Variants in PCDHGA1 observed in about 807,000 individuals in gnomAD.
PCDHGA1 encodes the protein protocadherin gamma-A1.
In PCDHGA1, 32 loss-of-function variants were observed where a neutral mutation model predicts 58.0. That is an observed-to-expected ratio of 0.55 (90% confidence interval 0.42 to 0.74). The LOEUF (loss-of-function observed/expected upper bound fraction) is 0.74, where lower values mean the gene tolerates loss of function less well. Ranked by LOEUF, PCDHGA1 falls within the 30% of genes least tolerant of loss-of-function variation. The pLI is 0.00. For synonymous variants in PCDHGA1, 498 were observed against 501.1 expected, an observed-to-expected ratio of 0.99 and a Z score of 0.08; for missense variants, 1,205 against 1,182.3, an observed-to-expected ratio of 1.02 and a Z score of -0.28.
chr5:141,383,826 T>G, intron 1 of PCDHGA1: 1 of 1,613,966 alleles, frequency 6.2e-7, no homozygotes, highest in Non-Finnish European at 8.5e-7. Flanking sequence ...GATTAGATTA[T>G]GAAGAAACTG....
intron 1 of PCDHGA1, chr5:141,377,997 G>C (rs1774530725): frequency 6.6e-6 from 1 of 152,122 alleles, no homozygotes; most frequent in African/African-American, 2.4e-5. Flanking sequence ...CCTAAAGCTT[G>C]GCTCAAATAA....
chr5:141,385,107 C>T, intron 1 of PCDHGA1: 1 of 1,614,178 alleles, frequency 6.2e-7, no homozygotes, highest in Non-Finnish European at 8.5e-7. Context: ...CGAACGTGCC[C>T]ACCTCGCACT....
intron 1 of PCDHGA1, chr5:141,377,057 C>A (rs72790015): frequency 0.063 from 9,654 of 152,822 alleles, 351 homozygotes; most frequent in African/African-American, 0.097. Context: ...TTTTCTTAGC[C>A]CTTTGCAGAG....
chr5:141,369,151 T>C (rs1013865524), intron 1 of PCDHGA1, among the ~76,000 whole-genome samples: 6 of 152,206 alleles, frequency 3.9e-5, no homozygotes, highest in African/African-American at 1.4e-4. Context: ...GGCATGTTAT[T>C]GACCAGGGAA....
intron 1 of PCDHGA1, chr5:141,350,349 A>C (rs761366858): frequency 6.4e-7 from 1 of 1,559,220 alleles, no homozygotes; most frequent in Non-Finnish European, 8.7e-7. Context: ...ATCTCCCAGC[A>C]GATCCGATAC....
In PCDHGA1 at chr5:141,485,089, G is replaced by C; in HGVS notation, c.2422-9718G>C. 9.7e-7 allele frequency: 1 copy of C among 1,027,236 alleles called. No individual in the cohort carries two copies. The highest frequency in any genetic ancestry group is 1.5e-6 in the Non-Finnish European group (1 of 674,564). The allele number at this position is 1,027,236 out of a possible 1,614,324, so 63.6% of individuals were successfully genotyped here. On this transcript the variant is annotated intron_variant, in intron 1 of 3. Coordinates refer to ENST00000517417, the MANE Select transcript of PCDHGA1 (RefSeq NM_018912.3). This position sits in a 1 kb window ranked among gnomAD's most constrained non-coding sequence, Gnocchi z 5.7. ...GAGCTGGCGCGGGGAAAGGGAGATA[G>C]GTGTCTCCAGCTGCTGTGGCTGTTT... is the stretch of plus-strand genomic sequence containing the variant.
intron 3 of PCDHGA1, among the ~76,000 whole-genome samples, chr5:141,510,415 C>G (rs2099881071): frequency 6.6e-6 from 1 of 152,082 alleles, no homozygotes; most frequent in Admixed American, 6.5e-5. Flanking sequence ...GCATGTAAAG[C>G]CATGGTTTCA....
At chr5:141,506,668 C>A (rs2099855518) in intron 3 of PCDHGA1, among the ~76,000 whole-genome samples, 1 of 152,100 alleles carries the variant, frequency 6.6e-6, no homozygotes, top group Admixed American at 6.6e-5. Context: ...AGTAAGGGCA[C>A]AATATATTAT....
rs370264318 is a variant in PCDHGA1, at chr5:141,403,767, G to C, written c.2421+70662G>C. 1.0e-4 allele frequency: 169 copies of C among 1,613,880 alleles called. No homozygotes were observed. In the East Asian group the frequency reaches 1.6e-3, roughly 16 times the overall value. Reference sequence around the variant, plus strand: ...GCAACAGCCAGCGACCTGGATGAGGGAATCAACGGAAAAGTGGCATACAAA... The same window carrying C: ...GCAACAGCCAGCGACCTGGATGAGGCAATCAACGGAAAAGTGGCATACAAA... On this transcript the variant is annotated intron_variant, in intron 1 of 3. Coordinates refer to ENST00000517417, the MANE Select transcript of PCDHGA1 (RefSeq NM_018912.3).
At chr5:141,413,450 G>T (rs2095642221) in intron 1 of PCDHGA1, 1 of 1,614,148 alleles carries the variant, frequency 6.2e-7, no homozygotes, top group Non-Finnish European at 8.5e-7. Context: ...ATCACCGCGG[G>T]CAGGATAGAC....
chr5:141,410,164 C>G (rs756470415), intron 1 of PCDHGA1: 8 of 1,613,642 alleles, frequency 5.0e-6, no homozygotes, highest in South Asian at 2.2e-5. Context: ...AGCCGCCACT[C>G]TCTGCCACCG....
At chr5:141,350,953 T>C in intron 1 of PCDHGA1, 1 of 1,614,052 alleles carries the variant, frequency 6.2e-7, no homozygotes, top group Non-Finnish European at 8.5e-7. Context: ...GAGTTACGGA[T>C]GCCAATGATA....
At chr5:141,339,727 G>A (rs765859037) in intron 1 of PCDHGA1, 49 of 1,613,974 alleles carry the variant, frequency 3.0e-5, no homozygotes, top group Non-Finnish European at 3.8e-5. Flanking sequence ...TAAGCATTCC[G>A]GAGAATACGC....
intron 1 of PCDHGA1, among the ~76,000 whole-genome samples, chr5:141,446,764 G>A (rs2098514605): frequency 6.6e-6 from 1 of 152,214 alleles, no homozygotes; most frequent in Non-Finnish European, 1.5e-5. Context: ...ACCGCGCCCA[G>A]CCGGTTACCA....
intron 1 of PCDHGA1, among the ~76,000 whole-genome samples, chr5:141,468,198 G>A (rs992118435): frequency 9.2e-5 from 14 of 151,854 alleles, no homozygotes; most frequent in Admixed American, 7.2e-4. Context: ...GGTGGCGGGT[G>A]CCTGTAATTC....
rs373591066 is a variant in PCDHGA1, at chr5:141,404,487, G to T, written c.2421+71382G>T. 8 of 1,613,840 alleles carry T rather than the reference G, an allele frequency of 5.0e-6. No homozygotes were observed. In the East Asian group the frequency reaches 1.8e-4, roughly 36 times the overall value. The stretch of plus-strand genomic sequence containing the variant: ...TATGTCTCTATTAACTCAGACACTG[G>T]TGTGCTGTATGCTCTGTGCTCCTTT... On this transcript the variant is annotated intron_variant, in intron 1 of 3. Transcript: ENST00000517417.
chr5:141,398,656 A>G, intron 1 of PCDHGA1: 1 of 1,614,034 alleles, frequency 6.2e-7, no homozygotes, highest in African/African-American at 1.3e-5. Context: ...TCTTAACCCA[A>G]GTTTCTCATT....
intron 1 of PCDHGA1, chr5:141,484,903 G>A: frequency 2.5e-6 from 1 of 407,434 alleles, no homozygotes; most frequent in Non-Finnish European, 4.4e-6. Context: ...CTCCAATGCT[G>A]CGACGCATTA....
At chr5:141,374,168 G>A in intron 1 of PCDHGA1, 1 of 1,613,320 alleles carries the variant, frequency 6.2e-7, no homozygotes, top group Non-Finnish European at 8.5e-7. Flanking sequence ...GGCCGCGGCA[G>A]CGCAGATCCG....
Sources: gnomAD v4.1 joint callset for allele counts (sites outside exome capture counted in the v4.1 genomes callset) on GRCh38, gnomAD v4.1.1 for gene constraint, Gnocchi (gnomAD v3.1) non-coding constraint, MANE v1.5 for transcripts, NCBI Gene and HGNC (gene_info 2026-07-23, HGNC 2026-07-21) for gene names.